Variants in TBXAS1 observed in about 807,000 individuals in gnomAD.
TBXAS1 encodes the protein thromboxane A synthase 1, also known as thromboxane-A synthase.
Under a neutral mutation model 60.7 loss-of-function variants are expected in TBXAS1, and 48 were observed. The observed-to-expected ratio is 0.79, with a 90% CI of 0.63 to 1.01. The LOEUF is 1.01. Ranked by LOEUF, TBXAS1 falls within the 50% of genes least tolerant of loss-of-function variation. TBXAS1 has a pLI of 0.00. For missense variants in TBXAS1, 685 were observed against 686.3 expected (o/e 1.00, Z 0.02); for synonymous variants, 287 against 269.7 (o/e 1.06, Z -0.63).
Position 139,991,859 on chromosome 7 carries a change from T to C in TBXAS1, c.1135-15232T>C, listed in dbSNP as rs139984309. On this transcript the variant is annotated intron_variant, in intron 9 of 12. Coordinates refer to ENST00000448866, the MANE Select transcript of TBXAS1 (RefSeq NM_001061.7). The stretch of plus-strand genomic sequence containing the variant: ...GCCCCGGAGAGCACGGGCAGCTCTC[T>C]AGCAGGTGGGGCAAGAGGGACTTTA... Among the ~76,000 whole-genome samples the C allele has an allele frequency of 1.2e-3, 186 of 152,304 alleles. 5 individuals carry two copies. In the East Asian group the frequency reaches 0.033, roughly 27 times the overall value.
Position 140,004,419 on chromosome 7 carries a change from A to T in TBXAS1, c.1135-2672A>T, listed in dbSNP as rs1050715586. ...ATTTTACCATTCATCTTTATATCAAACAATGCCAGTTTTAAATGTAAATTT... is the reference window on the plus strand; with the variant it reads ...ATTTTACCATTCATCTTTATATCAATCAATGCCAGTTTTAAATGTAAATTT... On this transcript the variant is annotated intron_variant, in intron 9 of 12. Transcript: ENST00000448866. The surrounding 1 kb of genome is among the most constrained non-coding windows in gnomAD (Gnocchi z 5.1). Among the ~76,000 whole-genome samples, 5 of 152,228 alleles carry T rather than the reference A, an allele frequency of 3.3e-5. No individual in the cohort carries two copies. Among genetic ancestry groups the T allele is most frequent in the African/African-American group, 1.2e-4 (5 of 41,464 alleles).
At chr7:139,882,294 G>A (rs1333602106) in intron 3 of TBXAS1, among the ~76,000 whole-genome samples, 1 of 152,212 alleles carries the variant, frequency 6.6e-6, no homozygotes, top group African/African-American at 2.4e-5. Context: ...AATACACTGG[G>A]CTTGAACATG....
In TBXAS1 at chr7:139,965,214, G is replaced by A. The variant is rs189747344; in HGVS notation, c.1134+2981G>A. ...GCCTGGGCAATAAGAAAGAAACTCC[G>A]TCTCAAAAAAAAAAAGGACCACATG... On this transcript the variant is annotated intron_variant, in intron 9 of 12. Coordinates refer to ENST00000448866, the MANE Select transcript of TBXAS1 (RefSeq NM_001061.7). Among the ~76,000 whole-genome samples, 408 of 147,724 alleles carry A rather than the reference G, an allele frequency of 2.8e-3. 3 individuals are homozygous for A. The highest frequency in any genetic ancestry group is 9.5e-3 in the African/African-American group (385 of 40,578).
At chr7:139,965,768 A>T (rs966746675) in intron 9 of TBXAS1, among the ~76,000 whole-genome samples, 14 of 152,212 alleles carry the variant, frequency 9.2e-5, no homozygotes, top group African/African-American at 3.1e-4. Context: ...TCTTTTTAAA[A>T]ACATACATTT....
chr7:139,828,928 C>A (rs1798529941), upstream of TBXAS1, among the ~76,000 whole-genome samples: 1 of 152,114 alleles, frequency 6.6e-6, no homozygotes, highest in Non-Finnish European at 1.5e-5. Context: ...TGTATCTTCA[C>A]TTAATTGTGA....
At chr7:139,907,640 G>C (rs894859994) in intron 3 of TBXAS1, among the ~76,000 whole-genome samples, 1 of 151,948 alleles carries the variant, frequency 6.6e-6, no homozygotes, top group Non-Finnish European at 1.5e-5. Flanking sequence ...CTACATTAGA[G>C]AATTGTACTC....
intron 1 of TBXAS1, among the ~76,000 whole-genome samples, chr7:139,779,087 C>T (rs964798795): frequency 2.6e-5 from 4 of 152,186 alleles, no homozygotes; most frequent in African/African-American, 9.7e-5. Flanking sequence ...AGGTACTGGA[C>T]AAGTGTACTG....
chr7:139,809,754 C>CT (rs757849537), intron 4 of TBXAS1, among the ~76,000 whole-genome samples: 11 of 152,116 alleles, frequency 7.2e-5, no homozygotes, highest in Non-Finnish European at 1.5e-4. Context: ...ATTCACCTGC[C>CT]TTTTTGTTCT....
At chr7:139,803,346 G>A (rs1320013129) in intron 4 of TBXAS1, among the ~76,000 whole-genome samples, 1 of 152,194 alleles carries the variant, frequency 6.6e-6, no homozygotes, top group African/African-American at 2.4e-5. Context: ...CTAGAGATCT[G>A]TGGAACTTTG....
At chr7:139,986,974 A>G (rs1449980723) in intron 9 of TBXAS1, among the ~76,000 whole-genome samples, 6 of 152,056 alleles carry the variant, frequency 3.9e-5, no homozygotes, top group Admixed American at 2.0e-4. Context: ...CCCTGGAAGA[A>G]TCCCCCAGGC....
intron 1 of TBXAS1, among the ~76,000 whole-genome samples, chr7:139,843,588 C>T (rs934663063): frequency 1.3e-5 from 2 of 152,262 alleles, no homozygotes; most frequent in South Asian, 2.1e-4. Context: ...GGTGATCCGC[C>T]CACCTCGGCC....
chr7:139,934,687 A>G (rs1807604815), intron 4 of TBXAS1, among the ~76,000 whole-genome samples: 2 of 152,152 alleles, frequency 1.3e-5, no homozygotes, highest in Non-Finnish European at 2.9e-5. Flanking sequence ...TGGCTTGTGC[A>G]TGGCTGTCTT....
At chr7:139,828,658 T>C (rs953167363), upstream of TBXAS1, among the ~76,000 whole-genome samples, 1 of 152,190 alleles carries the variant, frequency 6.6e-6, no homozygotes, top group African/African-American at 2.4e-5. Context: ...TTTAGTCAGA[T>C]AAGCTCAAAG....
At chr7:139,880,702 T>A (rs1293917757) in intron 3 of TBXAS1, among the ~76,000 whole-genome samples, 1 of 152,214 alleles carries the variant, frequency 6.6e-6, no homozygotes, top group East Asian at 1.9e-4. Context: ...TATGAATGTA[T>A]CCTAATTTTT....
At chr7:139,851,219 G>A (rs1800189693) in intron 1 of TBXAS1, among the ~76,000 whole-genome samples, 1 of 152,234 alleles carries the variant, frequency 6.6e-6, no homozygotes, top group Non-Finnish European at 1.5e-5. Context: ...AGACAAGCCA[G>A]AGGCCTGGCT....
rs551916259 is a variant in TBXAS1 at position 139,999,737 on chromosome 7, G to C, written c.1135-7354G>C. Among the ~76,000 whole-genome samples the C allele has an allele frequency of 1.1e-4, 17 of 152,254 alleles. No individual in the cohort carries two copies. In the South Asian group the frequency reaches 3.5e-3, roughly 32 times the overall value. On this transcript the variant is annotated intron_variant, in intron 9 of 12. Coordinates refer to ENST00000448866, the MANE Select transcript of TBXAS1 (RefSeq NM_001061.7). This position sits in a 1 kb window ranked among gnomAD's most constrained non-coding sequence, Gnocchi z 4.3. ...GATTTCCAGCTCCGGCTTCTAGAGG[G>C]CAAGGGCCAGCATCACTTGGCCTAC...
chr7:140,008,148 G>A lies in TBXAS1; in HGVS notation c.1226+966G>A, dbSNP rs115873766. 3.6e-3 allele frequency among the ~76,000 whole-genome samples: 543 copies of A among 152,340 alleles called. 4 individuals are homozygous for A. Among genetic ancestry groups the A allele is most frequent in the African/African-American group, 0.012 (504 of 41,568 alleles). ...CTTTCACCATTTTTAAAGACAATAT[G>A]TGGATGATTTGAGGGTATCTCAAAA... On this transcript the variant is annotated intron_variant, in intron 10 of 12. Coordinates refer to ENST00000448866, the MANE Select transcript of TBXAS1 (RefSeq NM_001061.7).
At chr7:139,853,899 G>A (rs1800397895) in intron 1 of TBXAS1, among the ~76,000 whole-genome samples, 1 of 152,170 alleles carries the variant, frequency 6.6e-6, no homozygotes, top group African/African-American at 2.4e-5. Context: ...GGAATCAGTG[G>A]AACTCTTTGA....
chr7:139,786,326 A>G (rs947357623), intron 3 of TBXAS1, among the ~76,000 whole-genome samples: 1 of 152,064 alleles, frequency 6.6e-6, no homozygotes, highest in African/African-American at 2.4e-5. Flanking sequence ...TATGAAGGAG[A>G]CACTTAATAA....
Sources: gnomAD v4.1 joint callset for allele counts (sites outside exome capture counted in the v4.1 genomes callset) on GRCh38, gnomAD v4.1.1 for gene constraint, Gnocchi (gnomAD v3.1) non-coding constraint, MANE v1.5 for transcripts, NCBI Gene and HGNC (gene_info 2026-07-23, HGNC 2026-07-21) for gene names.